The following CFDP1 variants were observed in gnomAD, a reference collection of about 807,000 sequenced individuals.
CFDP1 encodes the protein chromatin remodeling protein CFDP1, also known as heterochromatin-stabilizing protein CFDP1.
In CFDP1, 31 loss-of-function variants were observed where a neutral mutation model predicts 40.1. The observed-to-expected ratio is 0.77, with a 90% CI of 0.58 to 1.04. The LOEUF (loss-of-function observed/expected upper bound fraction) is 1.04, where lower values mean the gene tolerates loss of function less well. Ranked by LOEUF, CFDP1 falls within the 50% of genes least tolerant of loss-of-function variation. The pLI, the probability that CFDP1 is intolerant of heterozygous loss-of-function variation, is 0.00. For synonymous variants in CFDP1, 167 were observed against 120.0 expected (o/e 1.39, Z -2.56); for missense variants, 423 against 343.4 (o/e 1.23, Z -1.83).
At chr16:75,423,055 C>T (rs919188400) in intron 1 of CFDP1, among the ~76,000 whole-genome samples, 4 of 151,638 alleles carry the variant, frequency 2.6e-5, no homozygotes, top group Admixed American at 6.6e-5. Flanking sequence ...CCGAGGTGGG[C>T]GGATCACAAG....
chr16:75,406,154 C>A (rs2079097444), intron 4 of CFDP1, among the ~76,000 whole-genome samples: 1 of 151,608 alleles, frequency 6.6e-6, no homozygotes, highest in Admixed American at 6.6e-5. Flanking sequence ...GCAGGAGGAT[C>A]ACTTGAGCCC....
chr16:75,297,125 G>A (rs1328582673), intron 6 of CFDP1, among the ~76,000 whole-genome samples: 1 of 144,268 alleles, frequency 6.9e-6, no homozygotes, highest in African/African-American at 2.5e-5. Flanking sequence ...TCATGGGCTT[G>A]GGGTTCTTGC....
chr16:75,320,094 A>G (rs886533102), intron 5 of CFDP1, among the ~76,000 whole-genome samples: 6 of 152,242 alleles, frequency 3.9e-5, no homozygotes, highest in Admixed American at 3.3e-4. Flanking sequence ...CTAGAGCAAG[A>G]GAAAACGGTA....
At chr16:75,302,886 T>C (rs1034612709) in intron 6 of CFDP1, among the ~76,000 whole-genome samples, 3 of 152,160 alleles carry the variant, frequency 2.0e-5, no homozygotes, top group Non-Finnish European at 2.9e-5. Context: ...AACAAGCTCA[T>C]GAAGCTGTTT....
intron 1 of CFDP1, among the ~76,000 whole-genome samples, chr16:75,431,417 G>A (rs1317510659): frequency 1.7e-5 from 2 of 117,432 alleles, no homozygotes; most frequent in Non-Finnish European, 3.2e-5. Context: ...TCCCGCTACT[G>A]CACTCCAGCC....
At chr16:75,295,385 T>C (rs922590796) in intron 6 of CFDP1, among the ~76,000 whole-genome samples, 2 of 152,220 alleles carry the variant, frequency 1.3e-5, no homozygotes, top group Non-Finnish European at 2.9e-5. Context: ...TGTTTCCTAA[T>C]CTGTAATAAA....
chr16:75,357,145 T>G (rs911000666), intron 5 of CFDP1, among the ~76,000 whole-genome samples: 1 of 152,246 alleles, frequency 6.6e-6, no homozygotes, highest in East Asian at 1.9e-4. Flanking sequence ...ACTTCTGGCC[T>G]CATGTGATCC....
chr16:75,393,712 T>G (rs1315800089), intron 5 of CFDP1, among the ~76,000 whole-genome samples: 11 of 109,428 alleles, frequency 1.0e-4, no homozygotes, highest in Admixed American at 3.9e-4. Flanking sequence ...CAGTCCGGCC[T>G]GGGCGACAGA....
chr16:75,403,968 C>A (rs1422998624), intron 4 of CFDP1, among the ~76,000 whole-genome samples: 1 of 151,640 alleles, frequency 6.6e-6, no homozygotes, highest in Non-Finnish European at 1.5e-5. Flanking sequence ...CCTGTCTTTA[C>A]TAAAAATAAA....
At chr16:75,407,093 C>G (rs1175230681) in intron 4 of CFDP1, among the ~76,000 whole-genome samples, 1 of 152,040 alleles carries the variant, frequency 6.6e-6, no homozygotes, top group Non-Finnish European at 1.5e-5. Context: ...ACTTGGGAGG[C>G]TGTGGTGGGA....
At chr16:75,367,804 A>AC (rs1295707081) in intron 5 of CFDP1, among the ~76,000 whole-genome samples, 6 of 151,202 alleles carry the variant, frequency 4.0e-5, no homozygotes, top group African/African-American at 1.5e-4. Flanking sequence ...AAAAAAAAAA[A>AC]AAAAAAACTT....
At chr16:75,372,423 G>A (rs1024726963) in intron 5 of CFDP1, 1 of 152,190 alleles carries the variant, frequency 6.6e-6, no homozygotes, top group Non-Finnish European at 1.5e-5. Context: ...ATGTCAGCTT[G>A]CTGCCAAAGG....
At chr16:75,357,015 GCAGTTCTCC>G (rs2078649434) in intron 5 of CFDP1, among the ~76,000 whole-genome samples, 1 of 147,566 alleles carries the variant, frequency 6.8e-6, no homozygotes, top group Non-Finnish European at 1.5e-5. Flanking sequence ...CCAGGTTTAA[GCAGTTCTCC>G]TGCCTCAGCC....
chr16:75,413,963 T>A (rs2079183600), intron 2 of CFDP1, among the ~76,000 whole-genome samples: 2 of 152,182 alleles, frequency 1.3e-5, no homozygotes, highest in Admixed American at 1.3e-4. Context: ...TATATACATT[T>A]ATATATTTAT....
intron 5 of CFDP1, among the ~76,000 whole-genome samples, chr16:75,360,782 G>C (rs1180035239): frequency 6.6e-6 from 1 of 152,134 alleles, no homozygotes; most frequent in Non-Finnish European, 1.5e-5. Context: ...TAATTTATAT[G>C]TAATATTTAA....
chr16:75,351,129 G>A (rs563464243), intron 5 of CFDP1, among the ~76,000 whole-genome samples: 10 of 152,240 alleles, frequency 6.6e-5, no homozygotes, highest in South Asian at 6.2e-4. Context: ...TCATCATTCC[G>A]GTGTTTTGTT....
At chr16:75,350,256 C>T (rs2078601459) in intron 5 of CFDP1, among the ~76,000 whole-genome samples, 1 of 152,106 alleles carries the variant, frequency 6.6e-6, no homozygotes, top group Non-Finnish European at 1.5e-5. Context: ...TGGGTATATG[C>T]ACAGAATTGT....
intron 5 of CFDP1, among the ~76,000 whole-genome samples, chr16:75,356,073 T>C (rs58518445): frequency 0.077 from 11,783 of 152,284 alleles, 470 homozygotes; most frequent in Middle Eastern, 0.13. Context: ...GTGGATATTT[T>C]GGCCTCCTCC....
intron 5 of CFDP1, among the ~76,000 whole-genome samples, chr16:75,390,427 C>G (rs917125290): frequency 1.3e-5 from 2 of 152,236 alleles, no homozygotes; most frequent in African/African-American, 4.8e-5. Flanking sequence ...TCTGATCACA[C>G]TACCCTGCCT....
Sources: gnomAD v4.1 joint callset for allele counts (sites outside exome capture counted in the v4.1 genomes callset) on GRCh38, gnomAD v4.1.1 for gene constraint, MANE v1.5 for transcripts, NCBI Gene and HGNC (gene_info 2026-07-23, HGNC 2026-07-21) for gene names.